Variants in SLC30A6 observed in about 807,000 individuals in gnomAD.
SLC30A6 encodes the protein zinc transporter 6.
Under a neutral mutation model 63.0 loss-of-function variants are expected in SLC30A6, and 55 were observed. The ratio of observed to expected loss-of-function variants is 0.87; its 90% CI spans 0.70 to 1.09. The LOEUF (loss-of-function observed/expected upper bound fraction) is 1.09, where lower values mean the gene tolerates loss of function less well. Among genes scored for constraint, SLC30A6 ranks in the 50% least tolerant of loss-of-function variants. SLC30A6 has a pLI of 0.00. For missense variants in SLC30A6, 587 were observed against 549.2 expected (o/e 1.07, Z -0.69); for synonymous variants, 224 against 186.1 (o/e 1.20, Z -1.66).
chr2:32,167,561 A>G (rs560727097), intron 1 of SLC30A6, among the ~76,000 whole-genome samples: 1 of 152,014 alleles, frequency 6.6e-6, no homozygotes, highest in Admixed American at 6.5e-5. Context: ...TAACCCTTAT[A>G]TATCCTTAAT....
chr2:32,201,176 C>T (rs769806747), intron 10 of SLC30A6, among the ~76,000 whole-genome samples: 2 of 152,190 alleles, frequency 1.3e-5, no homozygotes, highest in Non-Finnish European at 2.9e-5. Context: ...ACATGTGTAT[C>T]TCCTGTTATT....
intron 4 of SLC30A6, among the ~76,000 whole-genome samples, chr2:32,179,541 T>A (rs896653712): frequency 6.6e-6 from 1 of 152,170 alleles, no homozygotes; most frequent in African/African-American, 2.4e-5. Flanking sequence ...ACCCAAGAAT[T>A]TGCATTTCTA....
At chr2:32,198,181 G>A (rs556422138) in intron 10 of SLC30A6, among the ~76,000 whole-genome samples, 6 of 152,318 alleles carry the variant, frequency 3.9e-5, no homozygotes, top group Admixed American at 1.3e-4. Flanking sequence ...TAAAAATAAA[G>A]CCTTTTAGGA....
rs1284008529 is a variant in SLC30A6, at chr2:32,174,065, C to G, written c.93C>G (p.Ser31=). The G allele has an allele frequency of 5.6e-6, 9 of 1,612,552 alleles. No individual in the cohort carries two copies. Among genetic ancestry groups the G allele is most frequent in the South Asian group, 2.2e-5 (2 of 90,846 alleles). The change falls in exon 3 of 14, where the codon TCC becomes TCG. Residue 31 remains serine (S), a splice_region_variant and synonymous_variant. Transcript: ENST00000282587. ...EFRLVAADRR[S]WKILLFGVIN... Reference sequence around the variant, plus strand: ...AAGAGTGATTTTTATTTTCACAGTCCTGGAAGATACTGCTCTTTGGTGTAA... The same window carrying G: ...AAGAGTGATTTTTATTTTCACAGTCGTGGAAGATACTGCTCTTTGGTGTAA...
At chr2:32,193,456 A>G (rs1242992760) in intron 7 of SLC30A6, among the ~76,000 whole-genome samples, 1 of 152,064 alleles carries the variant, frequency 6.6e-6, no homozygotes, top group African/African-American at 2.4e-5. Flanking sequence ...CAACTATGTG[A>G]TTTTCATATA....
chr2:32,172,858 A>G (rs1007775531), intron 2 of SLC30A6, among the ~76,000 whole-genome samples: 57 of 152,084 alleles, frequency 3.7e-4, no homozygotes, highest in African/African-American at 1.3e-3. Flanking sequence ...CCTCACCCTA[A>G]CCTGATGATC....
chr2:32,211,017 A>T (rs1213581704), intron 13 of SLC30A6, among the ~76,000 whole-genome samples: 1 of 152,188 alleles, frequency 6.6e-6, no homozygotes, highest in East Asian at 1.9e-4. Context: ...ACAGCTTTAG[A>T]GATCTACCCA....
chr2:32,207,214 TTTAG>T (rs1684847347), intron 12 of SLC30A6, among the ~76,000 whole-genome samples: 1 of 151,976 alleles, frequency 6.6e-6, no homozygotes, highest in South Asian at 2.1e-4. Context: ...TATTTAGTTA[TTTAG>T]TTATTTTTTT....
intron 5 of SLC30A6, among the ~76,000 whole-genome samples, chr2:32,189,596 CTTTTTTTTTT>C (rs3040842): frequency 5.8e-5 from 3 of 51,880 alleles, no homozygotes; most frequent in Admixed American, 5.5e-4. Context: ...CGCACCCGGC[CTTTTTTTTTT>C]TTTTTTTTTT....
chr2:32,207,298 C>T (rs1200126332), intron 12 of SLC30A6, among the ~76,000 whole-genome samples: 1 of 151,958 alleles, frequency 6.6e-6, no homozygotes, highest in Non-Finnish European at 1.5e-5. Flanking sequence ...GCAACCTCCA[C>T]CTCCCAGGCT....
chr2:32,194,041 C>T (rs993434044), intron 8 of SLC30A6, 58 bp downstream of exon 8: 8 of 1,417,164 alleles, frequency 5.6e-6, no homozygotes, highest in Non-Finnish European at 7.8e-6. Flanking sequence ...TAAAAACAAG[C>T]CTTTTGTTTG....
At chr2:32,192,830 A>G (rs988096511) in intron 6 of SLC30A6, 88 bp from the exon 7 acceptor site, 2 of 806,060 alleles carry the variant, frequency 2.5e-6, no homozygotes, top group African/African-American at 1.8e-5. Flanking sequence ...GATTTTGTGA[A>G]CTTTAAGGTG....
chr2:32,179,686 A>G (rs1425780898), intron 4 of SLC30A6, among the ~76,000 whole-genome samples: 1 of 152,188 alleles, frequency 6.6e-6, no homozygotes, highest in East Asian at 1.9e-4. Context: ...AGCAAGATAC[A>G]CAACAGTGTA....
intron 5 of SLC30A6, among the ~76,000 whole-genome samples, chr2:32,189,153 G>A (rs2148844139): frequency 6.6e-6 from 1 of 152,210 alleles, no homozygotes. Context: ...GTTTGGATTT[G>A]CATGTTCATT....
chr2:32,168,691 A>T (rs1280688664), intron 1 of SLC30A6, among the ~76,000 whole-genome samples: 1 of 152,146 alleles, frequency 6.6e-6, no homozygotes, highest in Non-Finnish European at 1.5e-5. Flanking sequence ...TTATATGAAT[A>T]AGAGCTTGGG....
chr2:32,171,268 G>C lies in SLC30A6; in HGVS notation c.4-19G>C. 1 of 1,601,410 alleles carries C rather than the reference G, an allele frequency of 6.2e-7. No homozygotes were observed. Among genetic ancestry groups the C allele is most frequent in the Non-Finnish European group, 8.6e-7 (1 of 1,168,976 alleles). ...TGATTAAATATCTAAATGCTGATTT[G>C]TATATGTTTGTTTGAAAGGGGACAA... On this transcript the variant is annotated intron_variant, in intron 1 of 13. Coordinates refer to ENST00000282587, the MANE Select transcript of SLC30A6 (RefSeq NM_017964.5).
intron 4 of SLC30A6, among the ~76,000 whole-genome samples, chr2:32,177,042 G>A (rs1229979955): frequency 6.6e-6 from 1 of 151,894 alleles, no homozygotes; most frequent in African/African-American, 2.4e-5. Context: ...CAAAGTGTTG[G>A]GATTACAGGT....
intron 10 of SLC30A6, chr2:32,202,023 GA>G (rs369983441): frequency 0.033 from 26,838 of 824,442 alleles, 68 homozygotes; most frequent in African/African-American, 0.061. Context: ...TGATGAATAT[GA>G]AAAAAAAAAA....
chr2:32,217,695 C>T (rs941359122), intron 13 of SLC30A6, among the ~76,000 whole-genome samples: 7 of 152,096 alleles, frequency 4.6e-5, no homozygotes, highest in African/African-American at 9.7e-5. Flanking sequence ...AATCCATGAG[C>T]GTGGAATGTT....
Sources: gnomAD v4.1 joint callset for allele counts (sites outside exome capture counted in the v4.1 genomes callset) on GRCh38, gnomAD v4.1.1 for gene constraint, MANE v1.5 for transcripts, NCBI Gene and HGNC (gene_info 2026-07-23, HGNC 2026-07-21) for gene names.